The following BCL11A variants were observed in gnomAD, a reference collection of about 807,000 sequenced individuals.
The protein encoded by BCL11A is B cell CLL/lymphoma 11A.
Under a neutral mutation model 55.9 loss-of-function variants are expected in BCL11A, and 2 were observed. The observed-to-expected ratio is 0.04, with a 90% confidence interval of 0.01 to 0.11. The LOEUF (loss-of-function observed/expected upper bound fraction) is 0.11. BCL11A is among the 10% of genes least tolerant of loss of function. The probability of loss-of-function intolerance (pLI) is 1.00; values close to 1 mark genes in which losing one functional copy is unlikely to be tolerated. For synonymous variants in BCL11A, 465 were observed against 473.4 expected, an observed-to-expected ratio of 0.98 and a Z score of 0.23; for missense variants, 817 against 1,137.1, an observed-to-expected ratio of 0.72 and a Z score of 4.05.
chr2:60,475,249 A>T (rs890225575), intron 2 of BCL11A, among the ~76,000 whole-genome samples: 2 of 152,210 alleles, frequency 1.3e-5, no homozygotes, highest in African/African-American at 4.8e-5. Context: ...TTCAGCTTTC[A>T]CAAGTGCGTA....
rs778551224 is a variant in BCL11A, at chr2:60,546,015, G to A, written c.341C>T (p.Ser114Leu). 2 of 1,614,200 alleles carry A rather than the reference G, an allele frequency of 1.2e-6. No homozygotes were observed. Among genetic ancestry groups the A allele is most frequent in the South Asian group, 2.2e-5 (2 of 91,080 alleles). Residue 114 changes from serine to leucine, a missense_variant, in exon 2 of 4, where the codon TCA becomes TTA. Coordinates refer to ENST00000642384, the MANE Select transcript of BCL11A (RefSeq NM_022893.4). The surrounding 1 kb of genome is among the most constrained non-coding windows in gnomAD (Gnocchi z 4.1). ...QVTPEDDDCL[S>L]TSSRGICPKQ... is the part of the protein sequence containing the mutation. ...GGGGCAAATTCCTCTAGATGACGTT[G>A]ATAAACAATCGTCATCCTCTGGCGT...
chr2:60,540,510 C>T (rs185864450), intron 2 of BCL11A, among the ~76,000 whole-genome samples: 83 of 152,290 alleles, frequency 5.5e-4, no homozygotes, highest in African/African-American at 1.9e-3. Flanking sequence ...AAATTTGTTT[C>T]CTTTCTTACT....
At chr2:60,468,035 A>C (rs558957973) in intron 3 of BCL11A, among the ~76,000 whole-genome samples, 2,232 of 8,770 alleles carry the variant, frequency 0.25, 64 homozygotes, top group East Asian at 0.33. Context: ...AGTGGTGGTG[A>C]TGGTGGTGAT....
At chr2:60,495,732 T>A (rs1678907992) in intron 2 of BCL11A, 1 of 152,234 alleles carries the variant, frequency 6.6e-6, no homozygotes, top group African/African-American at 2.4e-5. Context: ...ATATTCTCAA[T>A]GGGCCCTCAA....
Position 60,459,609 on chromosome 2 carries a change from A to G in BCL11A, c.*795T>C, listed in dbSNP as rs879858078. 6 of 1,029,276 alleles carry G rather than the reference A, an allele frequency of 5.8e-6. No homozygotes were observed. The African/African-American group carries it at 8.5e-5, about 15-fold the overall frequency. The allele number at this position is 1,029,276 out of a possible 1,614,324, so 63.8% of individuals were successfully genotyped here. On this transcript the variant is annotated 3_prime_UTR_variant, in exon 4 of 4. Transcript: ENST00000642384. ...TTCCTAAGGTTTATTACCTCACCCA[A>G]TGCTGAATTAAGCTACAAGTTTATA...
chr2:60,530,380 G>A (rs940691946), intron 2 of BCL11A, among the ~76,000 whole-genome samples: 1 of 143,462 alleles, frequency 7.0e-6, no homozygotes, highest in Admixed American at 7.0e-5. Flanking sequence ...ACCTGCACAC[G>A]CAGGCACGCC....
At chr2:60,502,638 TGAAAA>T (rs1367864263) in intron 2 of BCL11A, among the ~76,000 whole-genome samples, 2 of 152,216 alleles carry the variant, frequency 1.3e-5, no homozygotes, top group East Asian at 3.8e-4. Flanking sequence ...GAAATACCAG[TGAAAA>T]GAGATTTTTT....
intron 2 of BCL11A, among the ~76,000 whole-genome samples, chr2:60,491,718 C>A (rs1678650369): frequency 6.6e-6 from 1 of 151,946 alleles, no homozygotes; most frequent in Non-Finnish European, 1.5e-5. Context: ...GAAATGCTCC[C>A]CTCAGTTCTC....
At chr2:60,547,201 C>G (rs1313617533) in intron 1 of BCL11A, among the ~76,000 whole-genome samples, 2 of 152,048 alleles carry the variant, frequency 1.3e-5, no homozygotes, top group East Asian at 3.8e-4. Flanking sequence ...GTCAAGCAAA[C>G]ACCACATTTC....
chr2:60,510,549 T>G (rs77863187), intron 2 of BCL11A, among the ~76,000 whole-genome samples: 1 of 152,188 alleles, frequency 6.6e-6, no homozygotes, highest in Non-Finnish European at 1.5e-5. Flanking sequence ...TGATCTTCTC[T>G]TGCCATACTA....
intron 2 of BCL11A, among the ~76,000 whole-genome samples, chr2:60,491,680 A>T (rs1409532510): frequency 4.1e-5 from 5 of 120,706 alleles, no homozygotes; most frequent in African/African-American, 1.1e-4. Context: ...TCACCAAAAA[A>T]AGAAAAAAGA....
chr2:60,548,505 G>A (rs577272121), intron 1 of BCL11A, among the ~76,000 whole-genome samples: 1 of 152,136 alleles, frequency 6.6e-6, no homozygotes, highest in East Asian at 1.9e-4. Flanking sequence ...AATCAAAACC[G>A]GGAAATGAAG....
intron 2 of BCL11A, 130 bp downstream of exon 2, chr2:60,545,841 A>G (rs1670123724): frequency 1.4e-6 from 1 of 737,990 alleles, no homozygotes; most frequent in East Asian, 2.5e-5. Context: ...TTTTAACATT[A>G]CAGGGCTGTC....
At chr2:60,519,338 G>T (rs1280712528) in intron 2 of BCL11A, among the ~76,000 whole-genome samples, 1 of 152,146 alleles carries the variant, frequency 6.6e-6, no homozygotes, top group African/African-American at 2.4e-5. Flanking sequence ...CAGGTGCTGG[G>T]CCCTGAACTA....
At chr2:60,471,515 T>C (rs951498266) in intron 2 of BCL11A, among the ~76,000 whole-genome samples, 3 of 152,238 alleles carry the variant, frequency 2.0e-5, no homozygotes, top group Non-Finnish European at 4.4e-5. Context: ...CTTCTTGCTA[T>C]GATGCCTTCA....
At chr2:60,526,686 A>G (rs1669217187) in intron 2 of BCL11A, 1 of 152,202 alleles carries the variant, frequency 6.6e-6, no homozygotes, top group Admixed American at 6.5e-5. Flanking sequence ...CAGTGTGTCT[A>G]TGTCAGGAGG....
chr2:60,457,832 A>G lies in BCL11A; in HGVS notation c.*2572T>C. On this transcript the variant is annotated 3_prime_UTR_variant, in exon 4 of 4. Transcript: ENST00000642384. ...TGCATACAGTATGGCAGCAGGAAAA[A>G]GGAACAAAAAAGGATATGTACAACC... The G allele has an allele frequency of 9.5e-7, 1 of 1,049,496 alleles. No individual in the cohort carries two copies. The allele number at this position is 1,049,496 out of a possible 1,614,324, so 65.0% of individuals were successfully genotyped here.
chr2:60,467,087 GTGGTGGTGA>G (rs1449842377), intron 3 of BCL11A, among the ~76,000 whole-genome samples: 1 of 148,502 alleles, frequency 6.7e-6, no homozygotes, highest in East Asian at 2.0e-4. Context: ...GGTGGTGGTG[GTGGTGGTGA>G]TGATGGTGGT....
At chr2:60,494,314 C>A (rs1678822297) in intron 2 of BCL11A, among the ~76,000 whole-genome samples, 1 of 152,172 alleles carries the variant, frequency 6.6e-6, no homozygotes, top group Non-Finnish European at 1.5e-5. Flanking sequence ...GGCCTCTAAA[C>A]TGGGCAGTGA....
Sources: gnomAD v4.1 joint callset for allele counts (sites outside exome capture counted in the v4.1 genomes callset) on GRCh38, gnomAD v4.1.1 for gene constraint, Gnocchi (gnomAD v3.1) non-coding constraint, MANE v1.5 for transcripts, NCBI Gene and HGNC (gene_info 2026-07-23, HGNC 2026-07-21) for gene names.